RIOK3: variants seen among roughly 807,000 people sequenced by gnomAD.
RIOK3 encodes the protein RIO kinase 3.
A neutral mutation model predicts 63.5 loss-of-function variants in RIOK3; 40 were observed. The ratio of observed to expected loss-of-function variants is 0.63; its 90% CI spans 0.49 to 0.82. RIOK3 has a LOEUF of 0.82. RIOK3 is among the 40% of genes least tolerant of loss of function. RIOK3 has a pLI of 0.00. For synonymous variants in RIOK3, 193 were observed against 205.0 expected, an observed-to-expected ratio of 0.94 and a Z score of 0.50; for missense variants, 557 against 637.0, an observed-to-expected ratio of 0.87 and a Z score of 1.35.
At chr18:23,455,451 G>A (rs994751053) in intron 1 of RIOK3, among the ~76,000 whole-genome samples, 6 of 149,918 alleles carry the variant, frequency 4.0e-5, no homozygotes, top group African/African-American at 1.5e-4. Context: ...GTAGTGCAGT[G>A]GCGCGATCTC....
chr18:23,460,419 G>A (rs2145672486), intron 1 of RIOK3, among the ~76,000 whole-genome samples: 1 of 152,274 alleles, frequency 6.6e-6, no homozygotes, highest in Non-Finnish European at 1.5e-5. Context: ...CATTGCCTTG[G>A]TTCAGAGCTT....
chr18:23,459,561 T>C (rs1238452116), intron 1 of RIOK3, among the ~76,000 whole-genome samples: 1 of 152,194 alleles, frequency 6.6e-6, no homozygotes, highest in Non-Finnish European at 1.5e-5. Context: ...TTTGGTAACA[T>C]TGAGACAGCC....
At chr18:23,476,921 A>G in intron 9 of RIOK3, 85 bp from the exon 10 acceptor site, 1 of 1,174,064 alleles carries the variant, frequency 8.5e-7, no homozygotes, top group Non-Finnish European at 1.2e-6. Flanking sequence ...CCAAAAAAAT[A>G]AAAAATAAAA....
chr18:23,480,915 G>A (rs2057529470), intron 12 of RIOK3, among the ~76,000 whole-genome samples: 1 of 152,078 alleles, frequency 6.6e-6, no homozygotes, highest in African/African-American at 2.4e-5. Context: ...AGTGAAACCC[G>A]TCTTTACTAA....
At chr18:23,470,577 T>G (rs2057450122) in intron 7 of RIOK3, among the ~76,000 whole-genome samples, 1 of 152,114 alleles carries the variant, frequency 6.6e-6, no homozygotes, top group Non-Finnish European at 1.5e-5. Flanking sequence ...GGAATGGTAA[T>G]CAGAGGGCAC....
intron 7 of RIOK3, among the ~76,000 whole-genome samples, chr18:23,472,157 C>T (rs144715603): frequency 5.0e-4 from 76 of 151,950 alleles, no homozygotes; most frequent in African/African-American, 1.6e-3. Context: ...AGCTTGAACC[C>T]GGGAGGTGGA....
intron 1 of RIOK3, among the ~76,000 whole-genome samples, chr18:23,456,670 G>A (rs1414915862): frequency 6.6e-6 from 1 of 152,110 alleles, no homozygotes; most frequent in African/African-American, 2.4e-5. Flanking sequence ...TAGAATTACA[G>A]GTGTGAACCA....
At chr18:23,479,212 C>T (rs557392366) in intron 11 of RIOK3, 105 bp from the exon 12 acceptor site, 7 of 675,636 alleles carry the variant, frequency 1.0e-5, no homozygotes, top group East Asian at 2.7e-5. Flanking sequence ...CGTGTGCACA[C>T]GTGCATGCAT....
chr18:23,464,432 G>C (rs2057392665), intron 4 of RIOK3, 87 bp from the exon 5 acceptor site: 10 of 1,164,800 alleles, frequency 8.6e-6, no homozygotes, highest in Non-Finnish European at 1.2e-5. Context: ...TTTACTCTTA[G>C]ATTCAAATGT....
chr18:23,481,106 A>G (rs2057530867), intron 12 of RIOK3, 66 bp from the exon 13 acceptor site: 1 of 1,224,362 alleles, frequency 8.2e-7, no homozygotes, highest in Non-Finnish European at 1.2e-6. Flanking sequence ...TACTAGCACA[A>G]TCTAAAATAT....
intron 2 of RIOK3, 76 bp from the exon 3 acceptor site, chr18:23,463,891 C>T (rs2057387947): frequency 1.6e-6 from 2 of 1,245,026 alleles, no homozygotes; most frequent in Non-Finnish European, 1.1e-6. Context: ...GGAAAAGGCA[C>T]CTCCTACTCT....
At chr18:23,471,676 GGT>G (rs1199769272) in intron 7 of RIOK3, among the ~76,000 whole-genome samples, 1 of 152,252 alleles carries the variant, frequency 6.6e-6, no homozygotes, top group African/African-American at 2.4e-5. Context: ...GGAGAGCGTT[GGT>G]GTGTGTTTTG....
Position 23,481,497 on chromosome 18 carries a change from ATAAT to A in RIOK3, c.*220_*223del. On this transcript the variant is annotated 3_prime_UTR_variant, in exon 13 of 13. Coordinates refer to ENST00000339486, the MANE Select transcript of RIOK3 (RefSeq NM_003831.5). ...CCTCTCATCTTATGAACAGGATAAT[ATAAT>A]TCTTTAACAGCTATAGGTTATCTGG... The A allele has an allele frequency of 2.4e-6, 1 of 418,724 alleles. No individual in the cohort carries two copies. The highest frequency in any genetic ancestry group is 6.3e-5 in the South Asian group (1 of 15,862). The allele number at this position is 418,724 out of a possible 1,614,324, so 25.9% of individuals were successfully genotyped here. A position where few individuals can be genotyped will look rare whatever the true frequency, so the allele number is the denominator to read the frequency against.
Position 23,477,224 on chromosome 18 carries a change from C to T in RIOK3, c.1300C>T (p.His434Tyr). The T allele has an allele frequency of 6.2e-7, 1 of 1,614,192 alleles. No homozygotes were observed. The highest frequency in any genetic ancestry group is 8.5e-7 in the Non-Finnish European group (1 of 1,180,020). Residue 434 changes from histidine (H) to tyrosine (Y), a missense_variant, in exon 11 of 13, where the codon CAC (histidine) becomes TAC (tyrosine). By Grantham distance (83) the His-to-Tyr change is moderately conservative. Transcript: ENST00000339486. ...VSQSVEPTHP[H>Y]GLEFLFRDCR... ...TCAGTCAGTAGAACCTACCCACCCT[C>T]ACGGCCTGGAGTTCTTGTTCCGGGA...
At chr18:23,471,650 G>A (rs1375092082) in intron 7 of RIOK3, among the ~76,000 whole-genome samples, 2 of 152,204 alleles carry the variant, frequency 1.3e-5, no homozygotes, top group Non-Finnish European at 2.9e-5. Flanking sequence ...GAGGGCGGTA[G>A]TGGAAGTGAA....
rs1322070159 is a variant in RIOK3, at chr18:23,464,586, T to C, written c.501T>C (p.Asp167=). 1 of 1,606,998 alleles carries C rather than the reference T, an allele frequency of 6.2e-7. No individual in the cohort carries two copies. Among genetic ancestry groups the C allele is most frequent in the Non-Finnish European group, 8.5e-7 (1 of 1,177,716 alleles). The change falls in exon 5 of 13, where the codon GAT becomes GAC. Residue 167 remains aspartate, a synonymous_variant. Coordinates refer to ENST00000339486, the MANE Select transcript of RIOK3 (RefSeq NM_003831.5). ...GAAAAGATATCACCACCAAACATGA[T>C]GAAGTAGTATGTGGGAGAAAGAACA... ...GKGKDITTKH[D]EVVCGRKNTA...
Position 23,481,982 on chromosome 18 carries a change from A to G in RIOK3, c.*703A>G, listed in dbSNP as rs1465785939. ...TATCCAGTCAACTTTCAGCTTTTCT[A>G]CATTTAGGTAAAATGGTTAGGATAT... On this transcript the variant is annotated 3_prime_UTR_variant, in exon 13 of 13. Coordinates refer to ENST00000339486, the MANE Select transcript of RIOK3 (RefSeq NM_003831.5). 6.6e-6 allele frequency: 1 copy of G among 152,224 alleles called. No homozygotes were observed. Among genetic ancestry groups the G allele is most frequent in the Non-Finnish European group, 1.5e-5 (1 of 68,036 alleles). The allele number at this position is 152,224 out of a possible 1,614,324, so 9.4% of individuals were successfully genotyped here.
At chr18:23,458,696 C>T (rs2057356007) in intron 1 of RIOK3, among the ~76,000 whole-genome samples, 1 of 152,166 alleles carries the variant, frequency 6.6e-6, no homozygotes, top group Admixed American at 6.5e-5. Context: ...TCACAGATGA[C>T]AGAGGATTCC....
chr18:23,475,103 T>A lies in RIOK3; in HGVS notation c.1169T>A (p.Leu390His), dbSNP rs2057480852. 1 of 1,605,984 alleles carries A rather than the reference T, an allele frequency of 6.2e-7. No homozygotes were observed. Among genetic ancestry groups the A allele is most frequent in the African/African-American group, 1.3e-5 (1 of 74,308 alleles). The change falls in exon 9 of 13, where the codon CTT becomes CAT. Residue 390 changes from leucine (L) to histidine (H), a missense_variant. Around this residue, in one of 3 missense-constraint regions of RIOK3, gnomAD observed 309 missense variants for 338.7 expected, o/e 0.91. Coordinates refer to ENST00000339486, the MANE Select transcript of RIOK3 (RefSeq NM_003831.5). ...ATGAAAGAAGCCTACTATCAAACTC[T>A]TCATGTAAGTTGTGCTTTTAAAAGA... Reference protein sequence around the residue: ...EEMKEAYYQTLHLMRQLYHEC... With the variant: ...EEMKEAYYQTHHLMRQLYHEC...
Sources: allele counts gnomAD v4.1 joint callset (sites outside exome capture counted in the v4.1 genomes callset), GRCh38; gene constraint gnomAD v4.1.1; regional missense constraint gnomAD v4.1.1; transcripts MANE v1.5; gene names NCBI Gene and HGNC (gene_info 2026-07-23, HGNC 2026-07-21).